SMCO4: variants seen among roughly 807,000 people sequenced by gnomAD.
SMCO4 encodes the protein single-pass membrane and coiled-coil domain-containing protein 4.
Under a neutral mutation model 3.6 loss-of-function variants are expected in SMCO4, and 4 were observed. That is an observed-to-expected ratio of 1.11 (90% CI 0.54 to 2.53). The LOEUF (loss-of-function observed/expected upper bound fraction) is 2.53. Among genes scored for constraint, SMCO4 ranks in the 30% most tolerant of loss-of-function variants. The pLI, the probability that SMCO4 is intolerant of heterozygous loss-of-function variation, is 0.02. For missense variants in SMCO4, 70 were observed against 80.8 expected (o/e 0.87, Z 0.51); for synonymous variants, 36 against 35.3 (o/e 1.02, Z -0.07).
the SMCO4 span, among the ~76,000 whole-genome samples, chr11:93,553,101 C>T: frequency 1.3e-5 from 2 of 152,216 alleles, no homozygotes; most frequent in African/African-American, 4.8e-5. Context: ...TCTAAAACCA[C>T]ATGGTTCCAA....
intron 1 of SMCO4, among the ~76,000 whole-genome samples, chr11:93,513,878 G>A (rs751589255): frequency 1.3e-5 from 2 of 152,192 alleles, no homozygotes; most frequent in Non-Finnish European, 2.9e-5. Flanking sequence ...GGAGGACTCT[G>A]GGATGTGGGG....
At chr11:93,490,886 A>G in intron 2 of SMCO4, among the ~76,000 whole-genome samples, 1 of 152,236 alleles carries the variant, frequency 6.6e-6, no homozygotes. Flanking sequence ...GATGCTGAAG[A>G]AGGGACTTCA....
intron 1 of SMCO4, chr11:93,523,315 C>CA (rs983366471): frequency 3.3e-5 from 5 of 149,792 alleles, no homozygotes; most frequent in Admixed American, 6.6e-5. Flanking sequence ...GACCCTGTCT[C>CA]AAAAAAAACA....
At chr11:93,519,161 T>C (rs1230041119) in intron 1 of SMCO4, among the ~76,000 whole-genome samples, 1 of 152,182 alleles carries the variant, frequency 6.6e-6, no homozygotes, top group Non-Finnish European at 1.5e-5. Flanking sequence ...GTCCTGCATC[T>C]GGTGTTTCAG....
chr11:93,517,427 G>A (rs1186919761), intron 1 of SMCO4, among the ~76,000 whole-genome samples: 1 of 152,160 alleles, frequency 6.6e-6, no homozygotes, highest in Non-Finnish European at 1.5e-5. Context: ...GTAGAAATCA[G>A]CTCCCAATAG....
chr11:93,490,869 C>T (rs974688394), intron 2 of SMCO4, among the ~76,000 whole-genome samples: 1 of 152,188 alleles, frequency 6.6e-6, no homozygotes, highest in Non-Finnish European at 1.5e-5. Flanking sequence ...GTCTGAAAGA[C>T]GAATAGGATG....
intron 1 of SMCO4, among the ~76,000 whole-genome samples, chr11:93,520,370 T>C (rs906788076): frequency 1.7e-4 from 26 of 152,192 alleles, no homozygotes; most frequent in Admixed American, 6.5e-4. Context: ...GGGTTTTACA[T>C]GTTACCCCGT....
At chr11:93,541,816 G>T (rs1002814678) in intron 1 of SMCO4, among the ~76,000 whole-genome samples, 1 of 152,074 alleles carries the variant, frequency 6.6e-6, no homozygotes, top group Admixed American at 6.5e-5. Flanking sequence ...ATAAGAACAG[G>T]CTAAGGCTTA....
chr11:93,481,383 G>A, intron 2 of SMCO4: 1 of 973,890 alleles, frequency 1.0e-6, no homozygotes. Flanking sequence ...CCAGGGACGG[G>A]TGCACTGAGC....
chr11:93,535,431 G>C, intron 1 of SMCO4: 1 of 1,280,490 alleles, frequency 7.8e-7, no homozygotes, highest in East Asian at 2.4e-5. Flanking sequence ...CTCACTGCTA[G>C]GGGCTTAAGC....
rs530763732 is a variant in SMCO4, at chr11:93,528,074, TTAATAGTTA to T, written c.-154+15193_-154+15201del. Among the ~76,000 whole-genome samples the T allele has an allele frequency of 2.9e-3, 439 of 152,122 alleles. 1 individual carries two copies. The highest frequency in any genetic ancestry group is 0.01 in the African/African-American group (422 of 41,546). The stretch of plus-strand genomic sequence containing the variant: ...TAATAATTAATTATCATTAATAATT[TTAATAGTTA>T]TAAAGACAGTACATGCTCATTGTAA... On this transcript the variant is annotated intron_variant, in intron 1 of 2. Transcript: ENST00000298966.
At chr11:93,542,082 G>A (rs144111681) in intron 1 of SMCO4, among the ~76,000 whole-genome samples, 163 of 148,406 alleles carry the variant, frequency 1.1e-3, no homozygotes, top group Admixed American at 7.4e-3. Context: ...AGGCATACTG[G>A]TGTCTTGAAT....
At chr11:93,490,161 A>C (rs553293386) in intron 2 of SMCO4, among the ~76,000 whole-genome samples, 1 of 152,340 alleles carries the variant, frequency 6.6e-6, no homozygotes, top group Admixed American at 6.5e-5. Context: ...AGTAAGGAAA[A>C]AGGAGGAAGC....
chr11:93,531,892 A>T (rs937509974), intron 1 of SMCO4, among the ~76,000 whole-genome samples: 11 of 152,136 alleles, frequency 7.2e-5, no homozygotes, highest in African/African-American at 1.9e-4. Context: ...CTAATCAGAA[A>T]CTCAGAAGAA....
intron 2 of SMCO4, chr11:93,481,293 A>G (rs2134565884): frequency 4.3e-6 from 1 of 229,910 alleles, no homozygotes; most frequent in East Asian, 1.8e-4. Context: ...AAACAAATGC[A>G]TCTGTACCCA....
At position 93,479,259 on chromosome 11, in the gene SMCO4, G is replaced by A; in HGVS notation, c.-70C>T. ...GAAGGGCCACACTCCTCTTGCCAAG[G>A]CTGGAACCTCCTGTAGAGAGAACAA... On this transcript the variant is annotated 5_prime_UTR_variant, in exon 3 of 3. Transcript: ENST00000298966. 1 of 1,562,946 alleles carries A rather than the reference G, an allele frequency of 6.4e-7. No individual in the cohort carries two copies. The highest frequency in any genetic ancestry group is 8.7e-7 in the Non-Finnish European group (1 of 1,153,834).
intron 1 of SMCO4, among the ~76,000 whole-genome samples, chr11:93,532,902 C>G (rs1471911966): frequency 1.3e-5 from 2 of 152,170 alleles, no homozygotes; most frequent in African/African-American, 2.4e-5. Context: ...GTCATCCTCA[C>G]TAGAAAATAG....
intron 2 of SMCO4, among the ~76,000 whole-genome samples, chr11:93,488,274 G>A (rs144413681): frequency 9.8e-5 from 15 of 152,290 alleles, no homozygotes; most frequent in Non-Finnish European, 1.8e-4. Context: ...CAGCAAGTCC[G>A]GAGAAAGCAA....
chr11:93,548,561 G>A, the SMCO4 span, among the ~76,000 whole-genome samples: 2 of 152,204 alleles, frequency 1.3e-5, no homozygotes, highest in African/African-American at 4.8e-5. Flanking sequence ...AAAACATGGG[G>A]TTAAGGGGAC....
Sources: allele counts gnomAD v4.1 joint callset (sites outside exome capture counted in the v4.1 genomes callset), GRCh38; gene constraint gnomAD v4.1.1; transcripts MANE v1.5; gene names NCBI Gene and HGNC (gene_info 2026-07-23, HGNC 2026-07-21).